PTPRM: variants seen among roughly 807,000 people sequenced by gnomAD.
The protein encoded by PTPRM is protein tyrosine phosphatase receptor type M.
In PTPRM, 47 loss-of-function variants were observed where a neutral mutation model predicts 186.7. The observed-to-expected ratio is 0.25, with a 90% CI of 0.20 to 0.32. The LOEUF (loss-of-function observed/expected upper bound fraction) is 0.32. Ranked by LOEUF, PTPRM falls within the 10% of genes least tolerant of loss-of-function variation. PTPRM has a pLI of 1.00. For missense variants in PTPRM, 1,494 were observed against 1,865.0 expected, an observed-to-expected ratio of 0.80 and a Z score of 3.66; for synonymous variants, 668 against 674.9, an observed-to-expected ratio of 0.99 and a Z score of 0.16.
chr18:7,800,804 C>T (rs1198912500), intron 2 of PTPRM, among the ~76,000 whole-genome samples: 1 of 152,014 alleles, frequency 6.6e-6, no homozygotes. Flanking sequence ...TATGGTATAC[C>T]CTATTGCTCC....
chr18:8,285,755 G>T (rs1299071659), intron 19 of PTPRM, among the ~76,000 whole-genome samples: 2 of 152,198 alleles, frequency 1.3e-5, no homozygotes, highest in African/African-American at 4.8e-5. Context: ...ACTTTGAGAG[G>T]CTGAGGTGGG....
At chr18:7,653,652 T>C (rs2038778401) in intron 1 of PTPRM, among the ~76,000 whole-genome samples, 1 of 151,098 alleles carries the variant, frequency 6.6e-6, no homozygotes, top group Non-Finnish European at 1.5e-5. Flanking sequence ...ACAATCTTGT[T>C]CTTTTTATGG....
At chr18:7,774,081 C>T in intron 1 of PTPRM, 68 bp from the exon 2 acceptor site, 1 of 1,480,502 alleles carries the variant, frequency 6.8e-7, no homozygotes, top group African/African-American at 1.4e-5. Context: ...AGGCTTCCTG[C>T]AATCATCATA....
In PTPRM at chr18:8,121,884, A is replaced by G. The variant is rs1029233586; in HGVS notation, c.2167+7057A>G. The G allele has an allele frequency of 7.2e-5, 11 of 152,202 alleles. No individual in the cohort carries two copies. In the South Asian group the frequency reaches 1.0e-3, roughly 14 times the overall value. 9.4% of individuals were successfully genotyped at this position (152,202 alleles called of 1,614,324 possible). On this transcript the variant is annotated intron_variant, in intron 13 of 32. Coordinates refer to ENST00000580170, the MANE Select transcript of PTPRM (RefSeq NM_001105244.2). ...TTAACAATGAATCTTTCAGCACCACACTCAATTTCAATTGGAAACACTGCT... is the reference window on the plus strand; with the variant it reads ...TTAACAATGAATCTTTCAGCACCACGCTCAATTTCAATTGGAAACACTGCT...
At chr18:7,964,686 A>C (rs761365847) in intron 7 of PTPRM, among the ~76,000 whole-genome samples, 4 of 152,200 alleles carry the variant, frequency 2.6e-5, no homozygotes, top group Non-Finnish European at 5.9e-5. Flanking sequence ...TTTTAAGCTG[A>C]ATGGATTGGG....
intron 1 of PTPRM, among the ~76,000 whole-genome samples, chr18:7,586,156 ACTAAC>A (rs1399378989): frequency 4.6e-5 from 7 of 152,218 alleles, no homozygotes; most frequent in African/African-American, 1.7e-4. Flanking sequence ...CCTTTCAGCC[ACTAAC>A]CTACAGTTTG....
At chr18:8,309,067 A>G (rs920741147) in intron 20 of PTPRM, among the ~76,000 whole-genome samples, 3 of 152,220 alleles carry the variant, frequency 2.0e-5, no homozygotes, top group Non-Finnish European at 4.4e-5. Flanking sequence ...CACTTTATTA[A>G]TATAGTACAA....
intron 1 of PTPRM, among the ~76,000 whole-genome samples, chr18:7,686,962 G>T (rs932914606): frequency 6.6e-6 from 1 of 152,130 alleles, no homozygotes; most frequent in Non-Finnish European, 1.5e-5. Flanking sequence ...GTTTCAAAAA[G>T]ATTTTGACTG....
chr18:8,219,926 T>G (rs1238052392), intron 14 of PTPRM, among the ~76,000 whole-genome samples: 1 of 152,164 alleles, frequency 6.6e-6, no homozygotes, highest in Admixed American at 6.5e-5. Flanking sequence ...AATCTTATGA[T>G]CTCTATTTTA....
intron 7 of PTPRM, among the ~76,000 whole-genome samples, chr18:7,995,297 A>T (rs561185592): frequency 6.6e-6 from 1 of 152,140 alleles, no homozygotes; most frequent in Non-Finnish European, 1.5e-5. Flanking sequence ...GCCTCCCAAC[A>T]AAGAAAAGCC....
At position 8,253,270 on chromosome 18, in the gene PTPRM, G is replaced by T. The variant is rs1462127344; in HGVS notation, c.2610G>T (p.Gln870His). 3.1e-6 allele frequency: 5 copies of T among 1,589,676 alleles called. No homozygotes were observed. The highest frequency in any genetic ancestry group is 4.3e-6 in the Non-Finnish European group (5 of 1,167,966). The change falls in exon 19 of 33, where the codon CAG (glutamine) becomes CAT (histidine). Residue 870 changes from glutamine (Q) to histidine (H), a missense_variant. Gln to His is a conservative substitution (Grantham distance 24). Around this residue, in one of 3 missense-constraint regions of PTPRM, gnomAD observed 1,107 missense variants for 1,350.2 expected, o/e 0.82. Coordinates refer to ENST00000580170, the MANE Select transcript of PTPRM (RefSeq NM_001105244.2). ...CCAGCGATACCAGCAGCCTGGTGCA[G>T]TCCCATACTTACAAGAAGCGAGAGC... is the stretch of plus-strand genomic sequence containing the variant. ...TMASDTSSLV[Q>H]SHTYKKREPA... is the part of the protein sequence containing the mutation.
At chr18:7,952,620 T>C (rs2053041592) in intron 6 of PTPRM, among the ~76,000 whole-genome samples, 1 of 148,704 alleles carries the variant, frequency 6.7e-6, no homozygotes, top group African/African-American at 2.5e-5. Flanking sequence ...GGTGTGAACC[T>C]GGGAGACAGA....
At chr18:8,057,119 T>C (rs190918343) in intron 7 of PTPRM, among the ~76,000 whole-genome samples, 1 of 150,944 alleles carries the variant, frequency 6.6e-6, no homozygotes, top group African/African-American at 2.4e-5. Context: ...ATCCTAGATA[T>C]ATATAATAAA....
chr18:8,025,680 T>A (rs1391525906), intron 7 of PTPRM, among the ~76,000 whole-genome samples: 1 of 152,244 alleles, frequency 6.6e-6, no homozygotes, highest in African/African-American at 2.4e-5. Flanking sequence ...GAGAGAACTT[T>A]GTTTAGAAAA....
intron 7 of PTPRM, among the ~76,000 whole-genome samples, chr18:7,972,730 C>G (rs1446971871): frequency 6.6e-6 from 1 of 151,978 alleles, no homozygotes. Context: ...TTGAAAATCA[C>G]TGAAGTCATA....
At chr18:8,069,384 ACCAAAGATGGTGAG>A (rs1374720932) in intron 7 of PTPRM, among the ~76,000 whole-genome samples, 1 of 152,178 alleles carries the variant, frequency 6.6e-6, no homozygotes. Flanking sequence ...AATAAGAAGG[ACCAAAGATGGTGAG>A]CCCCTGCCTT....
At chr18:7,640,902 A>G (rs1326254322) in intron 1 of PTPRM, among the ~76,000 whole-genome samples, 4 of 152,178 alleles carry the variant, frequency 2.6e-5, no homozygotes, top group African/African-American at 9.7e-5. Context: ...AAGCCAATAG[A>G]GCCTTTGGCT....
In PTPRM at chr18:7,888,241, C is replaced by T. The variant is rs777158208; in HGVS notation, c.332C>T (p.Pro111Leu). ...GTGTCCAGCAAGAGTAATTCTCCTC[C>T]GGGGTTACTCAATGTCTACGTGAAG... ...YFVSSKSNSP[P>L]GLLNVYVKVN... is the part of the protein sequence containing the mutation. The change falls in exon 3 of 33, where the codon CCG becomes CTG. Residue 111 changes from proline to leucine, a missense_variant. Physicochemically the swap from Pro to Leu is moderately conservative, Grantham distance 98 (BLOSUM62 -3). Coordinates refer to ENST00000580170, the MANE Select transcript of PTPRM (RefSeq NM_001105244.2). 7.4e-6 allele frequency: 12 copies of T among 1,613,950 alleles called. No homozygotes were observed. The highest frequency in any genetic ancestry group is 2.2e-5 in the South Asian group (2 of 91,056).
chr18:8,057,143 G>A (rs1165741948), intron 7 of PTPRM, among the ~76,000 whole-genome samples: 3 of 150,570 alleles, frequency 2.0e-5, no homozygotes, highest in African/African-American at 7.4e-5. Flanking sequence ...ACAAAACCAT[G>A]TTTGGGAATG....
Sources: allele counts gnomAD v4.1 joint callset (sites outside exome capture counted in the v4.1 genomes callset), GRCh38; gene constraint gnomAD v4.1.1; regional missense constraint gnomAD v4.1.1; transcripts MANE v1.5; gene names NCBI Gene and HGNC (gene_info 2026-07-23, HGNC 2026-07-21).